CCZ1: variants seen among roughly 807,000 people sequenced by gnomAD.
CCZ1 encodes the protein CCZ1 vacuolar protein trafficking and biogenesis associated, also known as vacuolar fusion protein CCZ1 homolog.
A neutral mutation model predicts 57.8 loss-of-function variants in CCZ1; 19 were observed. The observed-to-expected ratio is 0.33, with a 90% CI of 0.23 to 0.48. The LOEUF (loss-of-function observed/expected upper bound fraction) is 0.48. Among genes scored for constraint, CCZ1 ranks in the 20% least tolerant of loss-of-function variants. The probability of loss-of-function intolerance (pLI) is 0.99; values close to 1 mark genes in which losing one functional copy is unlikely to be tolerated. For synonymous variants in CCZ1, 81 were observed against 167.0 expected, an observed-to-expected ratio of 0.49 and a Z score of 3.97; for missense variants, 200 against 492.0, an observed-to-expected ratio of 0.41 and a Z score of 5.61.
chr7:5,904,983 A>G (rs142459081), intron 6 of CCZ1, 111 bp from the exon 7 acceptor site: 32 of 1,246,590 alleles, frequency 2.6e-5, no homozygotes, highest in Middle Eastern at 2.1e-4. Flanking sequence ...GTTTGCTAGT[A>G]TGTAATTGTA....
chr7:5,915,513 T>G (rs1351617172), intron 10 of CCZ1, among the ~76,000 whole-genome samples: 3 of 144,672 alleles, frequency 2.1e-5, no homozygotes, highest in Non-Finnish European at 4.6e-5. Context: ...GTGGCTATGT[T>G]AAAGGGTCCT....
At chr7:5,904,220 A>G (rs1457849148) in intron 6 of CCZ1, among the ~76,000 whole-genome samples, 2 of 135,152 alleles carry the variant, frequency 1.5e-5, no homozygotes, top group Non-Finnish European at 3.1e-5. Flanking sequence ...AGCCTCCTGA[A>G]TAGTTGGGAT....
chr7:5,904,501 GGC>G lies in CCZ1; in HGVS notation c.523-592_523-591del, dbSNP rs1781757514. Among the ~76,000 whole-genome samples the G allele has an allele frequency of 1.4e-5, 2 of 145,908 alleles. 1 individual carries two copies. Among genetic ancestry groups the G allele is most frequent in the Non-Finnish European group, 3.0e-5 (2 of 67,344 alleles). Reference sequence around the variant, plus strand: ...AGGCCAGAAGTTCAAGACCAGCCTAGGCAACATAGCAAGACTCTGTCTATACC... The same window carrying G: ...AGGCCAGAAGTTCAAGACCAGCCTAGAACATAGCAAGACTCTGTCTATACC... On this transcript the variant is annotated intron_variant, in intron 6 of 14. Transcript: ENST00000325974.
chr7:5,901,923 G>A (rs1054264511), intron 5 of CCZ1: 2 of 488,400 alleles, frequency 4.1e-6, no homozygotes, highest in African/African-American at 4.0e-5. Flanking sequence ...CTTATAGTAG[G>A]AATGTGTCCC....
At chr7:5,909,293 C>G (rs571262815) in intron 7 of CCZ1, among the ~76,000 whole-genome samples, 13 of 150,548 alleles carry the variant, frequency 8.6e-5, no homozygotes, top group Non-Finnish European at 1.6e-4. Context: ...CCCAGCTACT[C>G]AGGAGGCTGA....
At chr7:5,907,609 G>C (rs151196140) in intron 7 of CCZ1, among the ~76,000 whole-genome samples, 16 of 145,986 alleles carry the variant, frequency 1.1e-4, no homozygotes, top group South Asian at 7.0e-4. Context: ...TGACCAGCAG[G>C]GTTGGCCCTT....
At chr7:5,916,508 T>TC (rs1291033451) in intron 10 of CCZ1, among the ~76,000 whole-genome samples, 2 of 13,012 alleles carry the variant, frequency 1.5e-4, no homozygotes, top group African/African-American at 5.0e-4. Flanking sequence ...GTTTTTTGTT[T>TC]TTTTTTTTTT....
rs1238602463 is a variant in CCZ1 at position 5,925,782 on chromosome 7, C to T, written c.*95C>T. The T allele has an allele frequency of 6.9e-7, 1 of 1,443,452 alleles. No homozygotes were observed. Among genetic ancestry groups the T allele is most frequent in the Non-Finnish European group, 9.8e-7 (1 of 1,022,352 alleles). 89.4% of individuals were successfully genotyped at this position (1,443,452 alleles called of 1,614,324 possible). On this transcript the variant is annotated 3_prime_UTR_variant, in exon 15 of 15. Coordinates refer to ENST00000325974, the MANE Select transcript of CCZ1 (RefSeq NM_015622.6). ...GTCATATGACGGACTGCATTCAGGA[C>T]AAGGGTAAAGCAATACTTGCTTTGA...
Position 5,899,879 on chromosome 7 carries a change from G to A in CCZ1, c.121-405G>A, listed in dbSNP as rs1455482146. 3.3e-5 allele frequency among the ~76,000 whole-genome samples: 5 copies of A among 149,514 alleles called. No individual in the cohort carries two copies. The South Asian group carries it at 1.1e-3, about 32-fold the overall frequency. On this transcript the variant is annotated intron_variant, in intron 1 of 14. Coordinates refer to ENST00000325974, the MANE Select transcript of CCZ1 (RefSeq NM_015622.6). ...ACACCTTTATTTCTTACAAGCATTGGTGTATTACAAATTAGCACTAGGAAA... is the reference window on the plus strand; with the variant it reads ...ACACCTTTATTTCTTACAAGCATTGATGTATTACAAATTAGCACTAGGAAA...
intron 12 of CCZ1, among the ~76,000 whole-genome samples, chr7:5,920,470 C>CCTTTTTTTTTTTTTTTTTTTT (rs1168459709): frequency 1.0e-5 from 1 of 95,960 alleles, no homozygotes; most frequent in African/African-American, 4.2e-5. Flanking sequence ...TTCTCCCTGG[C>CCTTTTTTTTTTTTTTTTTTTT]TTTTTTTTTT....
Position 5,905,099 on chromosome 7 carries a change from G to A in CCZ1, c.528G>A (p.Leu176=), listed in dbSNP as rs1781772544. The change falls in exon 7 of 15, where the codon TTG becomes TTA. Residue 176 remains leucine (L), a synonymous_variant. Transcript: ENST00000325974. ...CCTTATTTTTTTTCCCACAGTATTT[G>A]CAAACGCTACATTTGCAGTCATGTG... The part of the protein sequence containing the change: ...ERLEKFFHRY[L]QTLHLQSCDL... 6.3e-7 allele frequency: 1 copy of A among 1,598,968 alleles called. No individual in the cohort carries two copies. The highest frequency in any genetic ancestry group is 1.4e-5 in the African/African-American group (1 of 71,256).
intron 10 of CCZ1, among the ~76,000 whole-genome samples, chr7:5,916,584 G>A (rs1321208508): frequency 2.1e-5 from 3 of 145,688 alleles, no homozygotes; most frequent in African/African-American, 2.7e-5. Flanking sequence ...TCTCCCGTTG[G>A]GGTCATGTGG....
rs1176137554 is a variant in CCZ1, at chr7:5,914,745, A to G, written c.954+1791A>G. On this transcript the variant is annotated intron_variant, in intron 10 of 14. Transcript: ENST00000325974. ...CAAAAAATCAGCCAGGCGAGGTGGC[A>G]CACGCCTCTAATCCCAGCTACTCCG... 6.0e-4 allele frequency among the ~76,000 whole-genome samples: 89 copies of G among 147,518 alleles called. 2 individuals are homozygous for G. Among genetic ancestry groups the G allele is most frequent in the South Asian group, 1.8e-3 (8 of 4,382 alleles).
chr7:5,900,780 A>G (rs1002195467), intron 3 of CCZ1, 75 bp from the exon 4 acceptor site: 22 of 1,573,946 alleles, frequency 1.4e-5, no homozygotes, highest in Admixed American at 6.2e-5. Flanking sequence ...AGCATGTTCA[A>G]AGTTTTTAAA....
intron 9 of CCZ1, among the ~76,000 whole-genome samples, chr7:5,912,488 C>T (rs976529980): frequency 1.5e-5 from 2 of 129,040 alleles, no homozygotes; most frequent in African/African-American, 5.9e-5. Context: ...CAGCCTCCAT[C>T]TCCTAGGTTC....
At position 5,898,948 on chromosome 7, in the gene CCZ1, G is replaced by A. The variant is rs1176374278; in HGVS notation, c.120+29G>A. 15 of 414,700 alleles carry A rather than the reference G, an allele frequency of 3.6e-5. No homozygotes were observed. In the Admixed American group the frequency reaches 4.1e-4, roughly 11 times the overall value. 25.7% of individuals were successfully genotyped at this position (414,700 alleles called of 1,614,324 possible). ...TGCGGAGGGGGCGGCGCGCGGGCGG[G>A]CGGCGCCGGTGTTCCCCGGGAAGGT... On this transcript the variant is annotated intron_variant, in intron 1 of 14. Coordinates refer to ENST00000325974, the MANE Select transcript of CCZ1 (RefSeq NM_015622.6).
At chr7:5,902,385 A>T (rs2128610558) in intron 5 of CCZ1, 1 of 331,354 alleles carries the variant, frequency 3.0e-6, no homozygotes, top group South Asian at 5.0e-5. Context: ...TGTGGGTGAT[A>T]TTATGTATGT....
chr7:5,904,088 A>ATTTTTTT (rs746657675), intron 6 of CCZ1, among the ~76,000 whole-genome samples: 9 of 84,494 alleles, frequency 1.1e-4, no homozygotes, highest in African/African-American at 2.1e-4. Flanking sequence ...CAGGGAGTTA[A>ATTTTTTT]TTTTTTTTTT....
intron 9 of CCZ1, among the ~76,000 whole-genome samples, chr7:5,912,291 G>A (rs1779056249): frequency 7.6e-6 from 1 of 131,872 alleles, no homozygotes; most frequent in African/African-American, 2.9e-5. Context: ...TATGGACATT[G>A]AAATATCTTT....
Sources: gnomAD v4.1 joint callset for allele counts (sites outside exome capture counted in the v4.1 genomes callset) on GRCh38, gnomAD v4.1.1 for gene constraint, MANE v1.5 for transcripts, NCBI Gene and HGNC (gene_info 2026-07-23, HGNC 2026-07-21) for gene names.